Variants in INTS1 observed in about 807,000 individuals in gnomAD.
The protein encoded by INTS1 is integrator complex subunit 1.
A neutral mutation model predicts 241.6 loss-of-function variants in INTS1; 137 were observed. That is an observed-to-expected ratio of 0.57 (90% CI 0.49 to 0.65). The LOEUF (loss-of-function observed/expected upper bound fraction) is 0.65. INTS1 is among the 30% of genes least tolerant of loss of function. INTS1 has a pLI of 0.00. For missense variants in INTS1, 3,073 were observed against 3,032.2 expected (o/e 1.01, Z -0.32); for synonymous variants, 1,692 against 1,337.8 (o/e 1.26, Z -5.78).
In INTS1 at chr7:1,499,884, C is replaced by G. The variant is rs1783072155; in HGVS notation, c.684G>C (p.Lys228Asn). The change falls in exon 5 of 48, where the codon AAG becomes AAC. Residue 228 changes from lysine to asparagine, a missense_variant and splice_region_variant. Transcript: ENST00000404767. The stretch of plus-strand genomic sequence containing the variant: ...CACCGTCCCGGGAGAGGACGCTCAC[C>G]TTGACAAAGATCTCGGGCCAGTTCT... ...EDENWPEIFV[K>N]VYIEDSLGER... The G allele has an allele frequency of 9.9e-6, 16 of 1,612,050 alleles. No homozygotes were observed. Among genetic ancestry groups the G allele is most frequent in the Non-Finnish European group, 1.3e-5 (15 of 1,178,808 alleles).
rs149723975 is a variant in INTS1 at position 1,475,539 on chromosome 7, G to A, written c.5502+409C>T. Among the ~76,000 whole-genome samples, 325 of 152,228 alleles carry A rather than the reference G, an allele frequency of 2.1e-3. 3 individuals carry two copies. Among genetic ancestry groups the A allele is most frequent in the East Asian group, 0.016 (81 of 5,162 alleles). On this transcript the variant is annotated intron_variant, in intron 39 of 47. Transcript: ENST00000404767. ...AGGTTCCGGCCTGCGGTGGGGAAGC[G>A]GGTACGGGAGGCCCAGCTCTCCCCA... is the stretch of plus-strand genomic sequence containing the variant.
At position 1,472,363 on chromosome 7, in the gene INTS1, G is replaced by T; in HGVS notation, c.6094C>A (p.Pro2032Thr). ...GTGAACAGGGAGACGCTGACCAGGG[G>T]CAAGGAGCCGGCTGAGCTCTCCTCT... ...GEEESSAGSL[P>T]LVSVSLFTPL... The change falls in exon 44 of 48, where the codon CCC (proline) becomes ACC (threonine). Residue 2032 changes from proline to threonine, a missense_variant. By Grantham distance (38) the Pro-to-Thr change is conservative. Coordinates refer to ENST00000404767, the MANE Select transcript of INTS1 (RefSeq NM_001080453.3). 3.2e-6 allele frequency: 5 copies of T among 1,564,832 alleles called. No individual in the cohort carries two copies. The African/African-American group carries it at 4.0e-5, about 13-fold the overall frequency.
At position 1,481,404 on chromosome 7, in the gene INTS1, T is replaced by C; in HGVS notation, c.3788A>G (p.Gln1263Arg). 1 of 1,612,822 alleles carries C rather than the reference T, an allele frequency of 6.2e-7. No homozygotes were observed. Among genetic ancestry groups the C allele is most frequent in the Non-Finnish European group, 8.5e-7 (1 of 1,179,680 alleles). The change falls in exon 28 of 48, where the codon CAG (glutamine) becomes CGG (arginine). Residue 1263 changes from glutamine to arginine, a missense_variant. Gln to Arg is a conservative substitution (Grantham distance 43). Transcript: ENST00000404767. The surrounding 1 kb of genome is among the most constrained non-coding windows in gnomAD (Gnocchi z 6.8). The part of the protein sequence containing the change: ...IPVSSMSKLL[Q>R]FLDQAVAHDP... Reference sequence around the variant, plus strand: ...GTGGGCCACTGCCTGGTCCAGGAACTGGAGGAGTTTGCTCATGCTGGACAC... The same window carrying C: ...GTGGGCCACTGCCTGGTCCAGGAACCGGAGGAGTTTGCTCATGCTGGACAC...
Position 1,481,081 on chromosome 7 carries a change from T to C in INTS1, c.3851-148A>G, listed in dbSNP as rs1354446558. 4 of 701,984 alleles carry C rather than the reference T, an allele frequency of 5.7e-6. No individual in the cohort carries two copies. In the East Asian group the frequency reaches 1.1e-4, roughly 19 times the overall value. The allele number at this position is 701,984 out of a possible 1,614,324, so 43.5% of individuals were successfully genotyped here. A position where few individuals can be genotyped will look rare whatever the true frequency, so the allele number is the denominator to read the frequency against. On this transcript the variant is annotated intron_variant, in intron 28 of 47. Transcript: ENST00000404767. The surrounding 1 kb of genome is among the most constrained non-coding windows in gnomAD (Gnocchi z 6.8). Reference sequence around the variant, plus strand: ...GAAGCTGGGTGAGCTCAGTCAGCACTGAGGCCCCAACAGCTCCCTCCAAGC... The same window carrying C: ...GAAGCTGGGTGAGCTCAGTCAGCACCGAGGCCCCAACAGCTCCCTCCAAGC...
At chr7:1,486,420 C>T (rs553610993) in intron 22 of INTS1, among the ~76,000 whole-genome samples, 4 of 151,842 alleles carry the variant, frequency 2.6e-5, no homozygotes, top group Admixed American at 6.6e-5. Context: ...CCCTCCACCA[C>T]GCCCAGCTAA....
rs200181300 is a variant in INTS1, at chr7:1,498,856, C to T, written c.1138-4G>A. On this transcript the variant is annotated splice_region_variant and splice_polypyrimidine_tract_variant and intron_variant, in intron 8 of 47. Transcript: ENST00000404767. ...GGTCCTGGGCCGGCCGGGTCAGCTG[C>T]GGGGCCGAGGAGGGAGCAGTGGGCT... is the stretch of plus-strand genomic sequence containing the variant. 1,206 of 1,598,710 alleles carry T rather than the reference C, an allele frequency of 7.5e-4. 1 individual carries two copies. Among genetic ancestry groups the T allele is most frequent in the Non-Finnish European group, 8.2e-4 (960 of 1,173,566 alleles).
chr7:1,474,298 CG>C lies in INTS1; in HGVS notation c.5698del (p.Arg1900GlyfsTer6), dbSNP rs1562485424. On this transcript the variant is annotated frameshift_variant, in exon 41 of 48. Coordinates refer to ENST00000404767, the MANE Select transcript of INTS1 (RefSeq NM_001080453.3). LOFTEE classifies it high-confidence loss of function. ...GAAGCAGCTCAGGTGGTTCTGCTGCCGGAACTCCTGGAAGTTGAGGTGGGTG... is the reference window on the plus strand; with the variant it reads ...GAAGCAGCTCAGGTGGTTCTGCTGCCGAACTCCTGGAAGTTGAGGTGGGTG... ...GRTHLNFQEF[R>X]QQNHLSCFLH... 3 of 1,608,692 alleles carry C rather than the reference CG, an allele frequency of 1.9e-6. No individual in the cohort carries two copies. Among genetic ancestry groups the C allele is most frequent in the Non-Finnish European group, 2.5e-6 (3 of 1,178,952 alleles).
In INTS1 at chr7:1,496,305, C is replaced by T. The variant is rs537355981; in HGVS notation, c.1603-41G>A. Reference sequence around the variant, plus strand: ...GGGGTCTGTATCCAGAAGGGACACCCGGGAGCCCCACTCCACACCCACGTG... The same window carrying T: ...GGGGTCTGTATCCAGAAGGGACACCTGGGAGCCCCACTCCACACCCACGTG... On this transcript the variant is annotated intron_variant, in intron 11 of 47. Coordinates refer to ENST00000404767, the MANE Select transcript of INTS1 (RefSeq NM_001080453.3). 4.8e-6 allele frequency: 7 copies of T among 1,446,994 alleles called. No individual in the cohort carries two copies. The Admixed American group carries it at 5.1e-5, about 11-fold the overall frequency. 89.6% of individuals were successfully genotyped at this position (1,446,994 alleles called of 1,614,324 possible). A position where few individuals can be genotyped will look rare whatever the true frequency, so the allele number is the denominator to read the frequency against.
At chr7:1,477,457 C>T in intron 35 of INTS1, 93 bp downstream of exon 35, 2 of 1,415,016 alleles carry the variant, frequency 1.4e-6, no homozygotes, top group Non-Finnish European at 1.9e-6. Flanking sequence ...GGGGCCCCTG[C>T]AAGGCTCGCC....
chr7:1,495,996 C>A (rs6971387), intron 12 of INTS1, among the ~76,000 whole-genome samples, 160 bp downstream of exon 12: 1 of 152,066 alleles, frequency 6.6e-6, no homozygotes, highest in Non-Finnish European at 1.5e-5. Flanking sequence ...TGGACAGGAA[C>A]GGGGACGGCA....
In INTS1 at chr7:1,493,973, C is replaced by G. The variant is rs1226391219; in HGVS notation, c.1911-62G>C. 6.7e-7 allele frequency: 1 copy of G among 1,501,664 alleles called. No homozygotes were observed. Among genetic ancestry groups the G allele is most frequent in the Non-Finnish European group, 8.9e-7 (1 of 1,117,572 alleles). 93.0% of individuals were successfully genotyped at this position (1,501,664 alleles called of 1,614,324 possible). A position where few individuals can be genotyped will look rare whatever the true frequency, so the allele number is the denominator to read the frequency against. On this transcript the variant is annotated intron_variant, in intron 14 of 47. Transcript: ENST00000404767. This position sits in a 1 kb window ranked among gnomAD's most constrained non-coding sequence, Gnocchi z 5.3. ...CCCACACCTGCCAGACCTGAGGGGC[C>G]GAGGACAGGCCAGCTTCTCCCTCAG...
At position 1,485,167 on chromosome 7, in the gene INTS1, G is replaced by A. The variant is rs763816256; in HGVS notation, c.3192C>T (p.Ser1064=). ...IHMETDPQTI[S]AYLIYLSQHT... is the part of the protein sequence containing the mutation. The stretch of plus-strand genomic sequence containing the variant: ...GCTGGGACAAGTAGATCAGGTAGGC[G>A]CTGATGGTCTGGGGATCAGTCTCCA... Residue 1064 remains serine (S), a synonymous_variant, in exon 24 of 48, where the codon AGC becomes AGT. Transcript: ENST00000404767. 26 of 1,600,670 alleles carry A rather than the reference G, an allele frequency of 1.6e-5. No homozygotes were observed. The highest frequency in any genetic ancestry group is 2.0e-5 in the Non-Finnish European group (24 of 1,179,628).
Position 1,487,079 on chromosome 7 carries a change from C to G in INTS1, c.2669G>C (p.Trp890Ser), listed in dbSNP as rs1355860414. The change falls in exon 21 of 48, where the codon TGG becomes TCG. Residue 890 changes from tryptophan to serine, a missense_variant. By Grantham distance (177) the Trp-to-Ser change is radical (BLOSUM62 -3). Transcript: ENST00000404767. Reference protein sequence around the residue: ...QRQASSQSMPWLADLVQSSEG... With the variant: ...QRQASSQSMPSLADLVQSSEG... ...GCTGGACTGTACCAGGTCCGCCAGC[C>G]AGGGCATGGACTGCGAGGAGGCCTG... The G allele has an allele frequency of 1.9e-6, 3 of 1,554,668 alleles. No individual in the cohort carries two copies. Among genetic ancestry groups the G allele is most frequent in the Non-Finnish European group, 2.6e-6 (3 of 1,154,310 alleles).
intron 16 of INTS1, among the ~76,000 whole-genome samples, chr7:1,491,608 ACTC>A (rs1782548839): frequency 6.6e-6 from 1 of 151,862 alleles, no homozygotes; most frequent in Non-Finnish European, 1.5e-5. Context: ...AAAATTGAAA[ACTC>A]CTGGCCAGGC....
chr7:1,474,415 C>A, intron 40 of INTS1, 55 bp from the exon 41 acceptor site: 1 of 1,502,362 alleles, frequency 6.7e-7, no homozygotes, highest in Admixed American at 2.0e-5. Flanking sequence ...ACCTGGCGCA[C>A]GTCCCCAGGA....
At chr7:1,490,903 T>C (rs1782516944) in intron 16 of INTS1, among the ~76,000 whole-genome samples, 1 of 151,962 alleles carries the variant, frequency 6.6e-6, no homozygotes, top group African/African-American at 2.4e-5. Context: ...AGGTCAACCC[T>C]CTCACCTACA....
At position 1,470,406 on chromosome 7, in the gene INTS1, C is replaced by T. The variant is rs981645998; in HGVS notation, c.*171G>A. ...ACGGCCCCTGATGCCAGCGGCCGGC[C>T]CGGAGCCACCCCAGGGCTCGGAGTA... On this transcript the variant is annotated 3_prime_UTR_variant, in exon 48 of 48. Transcript: ENST00000404767. 56 of 540,220 alleles carry T rather than the reference C, an allele frequency of 1.0e-4. 1 individual carries two copies. The highest frequency in any genetic ancestry group is 8.8e-4 in the African/African-American group (44 of 50,280). The allele number at this position is 540,220 out of a possible 1,614,324, so 33.5% of individuals were successfully genotyped here. A position where few individuals can be genotyped will look rare whatever the true frequency, so the allele number is the denominator to read the frequency against.
chr7:1,478,553 A>G (rs1409983023), intron 32 of INTS1, 47 bp from the exon 33 acceptor site: 2 of 1,589,058 alleles, frequency 1.3e-6, no homozygotes, highest in East Asian at 2.3e-5. Context: ...CCCTCACCCC[A>G]TCGGTGTATC....
intron 9 of INTS1, 25 bp from the exon 10 acceptor site, chr7:1,498,578 C>G: frequency 6.2e-7 from 1 of 1,612,238 alleles, no homozygotes. Context: ...GGTACAGACC[C>G]TGTCCCCGCT....
Sources: gnomAD v4.1 joint callset for allele counts (sites outside exome capture counted in the v4.1 genomes callset) on GRCh38, gnomAD v4.1.1 for gene constraint, Gnocchi (gnomAD v3.1) non-coding constraint, MANE v1.5 for transcripts, NCBI Gene and HGNC (gene_info 2026-07-23, HGNC 2026-07-21) for gene names.